The following TNFSF4 variants were observed in gnomAD, a reference collection of about 807,000 sequenced individuals.
The protein encoded by TNFSF4 is tumor necrosis factor ligand superfamily member 4.
Under a neutral mutation model 7.3 loss-of-function variants are expected in TNFSF4, and 4 were observed. That is an observed-to-expected ratio of 0.55 (90% CI 0.27 to 1.25). TNFSF4 has a LOEUF of 1.25. Among genes scored for constraint, TNFSF4 ranks in the 50% most tolerant of loss-of-function variants. TNFSF4 has a pLI of 0.12. For synonymous variants in TNFSF4, 76 were observed against 83.7 expected, an observed-to-expected ratio of 0.91 and a Z score of 0.50; for missense variants, 181 against 208.8, an observed-to-expected ratio of 0.87 and a Z score of 0.82.
At chr1:173,178,569 G>A in the TNFSF4 span, among the ~76,000 whole-genome samples, 1 of 152,022 alleles carries the variant, frequency 6.6e-6, no homozygotes, top group Non-Finnish European at 1.5e-5. Flanking sequence ...GACAGACTCC[G>A]TCTCAAAATA....
chr1:173,227,641 C>T, the TNFSF4 span, among the ~76,000 whole-genome samples: 11 of 152,188 alleles, frequency 7.2e-5, no homozygotes, highest in South Asian at 2.1e-4. Flanking sequence ...GGCGAGGCAT[C>T]GCCTCACCCG....
At chr1:173,315,804 A>C in the TNFSF4 span, among the ~76,000 whole-genome samples, 1 of 152,098 alleles carries the variant, frequency 6.6e-6, no homozygotes, top group Non-Finnish European at 1.5e-5. Flanking sequence ...TAGCCCCTTA[A>C]CAGATACATA....
chr1:173,209,750 G>A (rs1266984361), upstream of TNFSF4, among the ~76,000 whole-genome samples: 1 of 152,116 alleles, frequency 6.6e-6, no homozygotes, highest in East Asian at 1.9e-4. Flanking sequence ...CAATCCTCCT[G>A]CCTTGGCCTC....
chr1:173,204,433 G>C (rs1172165246), intron 1 of TNFSF4, among the ~76,000 whole-genome samples: 2 of 152,082 alleles, frequency 1.3e-5, no homozygotes, highest in Admixed American at 1.3e-4. Context: ...CCAGTGATGA[G>C]AAAACAGAGG....
intron 1 of TNFSF4, among the ~76,000 whole-genome samples, chr1:173,201,093 C>T (rs1220327576): frequency 4.6e-5 from 7 of 152,116 alleles, no homozygotes; most frequent in Non-Finnish European, 1.5e-5. Flanking sequence ...ATTTGGTAGC[C>T]AAGTCATTGG....
At chr1:173,445,290 C>G in the TNFSF4 span, among the ~76,000 whole-genome samples, 2 of 152,166 alleles carry the variant, frequency 1.3e-5, no homozygotes, top group Non-Finnish European at 2.9e-5. Context: ...TTAAGTTTCT[C>G]ATTTTATTTC....
chr1:173,246,360 T>A, the TNFSF4 span, among the ~76,000 whole-genome samples: 4 of 152,186 alleles, frequency 2.6e-5, no homozygotes, highest in Non-Finnish European at 4.4e-5. Flanking sequence ...CCTGTGTCCA[T>A]GTGTTCTCAT....
chr1:173,238,916 G>C, the TNFSF4 span, among the ~76,000 whole-genome samples: 1 of 152,120 alleles, frequency 6.6e-6, no homozygotes, highest in Non-Finnish European at 1.5e-5. Context: ...TAAGACCTCA[G>C]GGGGATAGAG....
the TNFSF4 span, among the ~76,000 whole-genome samples, chr1:173,359,510 TAAAAAA>T: frequency 5.7e-3 from 692 of 122,442 alleles, 5 homozygotes; most frequent in African/African-American, 0.021. Flanking sequence ...TTACCAGCTG[TAAAAAA>T]AAAAAAAAAA....
chr1:173,272,421 T>C, the TNFSF4 span, among the ~76,000 whole-genome samples: 1 of 152,030 alleles, frequency 6.6e-6, no homozygotes, highest in Non-Finnish European at 1.5e-5. Context: ...AAAAATTGCA[T>C]GCCCATTAGA....
the TNFSF4 span, among the ~76,000 whole-genome samples, chr1:173,248,011 C>G: frequency 6.6e-6 from 1 of 152,090 alleles, no homozygotes; most frequent in Non-Finnish European, 1.5e-5. Flanking sequence ...AATATTTAAG[C>G]TGATGAACAG....
chr1:173,422,247 C>G, the TNFSF4 span, among the ~76,000 whole-genome samples: 139 of 143,186 alleles, frequency 9.7e-4, 1 homozygote, highest in African/African-American at 3.4e-3. Context: ...GTCTAGAGAC[C>G]CAGAAATGGC....
At chr1:173,220,851 C>T in the TNFSF4 span, among the ~76,000 whole-genome samples, 16 of 152,098 alleles carry the variant, frequency 1.1e-4, no homozygotes, top group African/African-American at 3.4e-4. Flanking sequence ...CCTGAACTGA[C>T]GAAGACAATT....
intron 1 of TNFSF4, among the ~76,000 whole-genome samples, chr1:173,199,667 T>G (rs528449938): frequency 6.6e-6 from 1 of 152,342 alleles, no homozygotes; most frequent in South Asian, 2.1e-4. Flanking sequence ...TAAATTTCTG[T>G]AGTTATAATT....
the TNFSF4 span, among the ~76,000 whole-genome samples, chr1:173,308,267 T>TTCTCTCTCTC: frequency 0.011 from 1,408 of 132,812 alleles, 38 homozygotes; most frequent in African/African-American, 0.043. Context: ...CTCTCTCTCT[T>TTCTCTCTCTC]TCTCTCTCTC....
the TNFSF4 span, among the ~76,000 whole-genome samples, chr1:173,244,237 A>C: frequency 1.3e-5 from 2 of 152,220 alleles, no homozygotes; most frequent in African/African-American, 4.8e-5. Flanking sequence ...GCTGAGTCCC[A>C]TGTCTGGTAT....
the TNFSF4 span, among the ~76,000 whole-genome samples, chr1:173,314,345 T>C: frequency 6.6e-6 from 1 of 152,130 alleles, no homozygotes; most frequent in South Asian, 2.1e-4. Flanking sequence ...ACACCATTCT[T>C]CCCATTCTTG....
the TNFSF4 span, among the ~76,000 whole-genome samples, chr1:173,401,010 TTG>T: frequency 6.8e-6 from 1 of 146,966 alleles, no homozygotes; most frequent in African/African-American, 2.6e-5. Flanking sequence ...ATGAATACAA[TTG>T]TGTGTGTGCA....
chr1:173,296,461 A>C, the TNFSF4 span, among the ~76,000 whole-genome samples: 1 of 151,996 alleles, frequency 6.6e-6, no homozygotes, highest in East Asian at 1.9e-4. Flanking sequence ...ACACACAAAA[A>C]AATACAGAGT....
Sources: allele counts gnomAD v4.1 joint callset (sites outside exome capture counted in the v4.1 genomes callset), GRCh38; gene constraint gnomAD v4.1.1; transcripts MANE v1.5; gene names NCBI Gene and HGNC (gene_info 2026-07-23, HGNC 2026-07-21).